The following ARL15 variants were observed in gnomAD, a reference collection of about 807,000 sequenced individuals.
The protein encoded by ARL15 is ADP-ribosylation factor-like protein 15.
Under a neutral mutation model 25.2 loss-of-function variants are expected in ARL15, and 19 were observed. The observed-to-expected ratio is 0.75, with a 90% CI of 0.53 to 1.10. The LOEUF (loss-of-function observed/expected upper bound fraction) is 1.10. Among genes scored for constraint, ARL15 ranks in the 50% least tolerant of loss-of-function variants. The probability of loss-of-function intolerance (pLI) is 0.00; values close to 1 mark genes in which losing one functional copy is unlikely to be tolerated. For synonymous variants in ARL15, 94 were observed against 86.8 expected, an observed-to-expected ratio of 1.08 and a Z score of -0.46; for missense variants, 220 against 246.0, an observed-to-expected ratio of 0.89 and a Z score of 0.71.
chr5:54,103,591 T>C (rs1390734394), intron 4 of ARL15, among the ~76,000 whole-genome samples: 2 of 152,128 alleles, frequency 1.3e-5, no homozygotes, highest in Non-Finnish European at 2.9e-5. Context: ...AGGTTTGGAT[T>C]AGTTCATTTC....
chr5:54,098,558 A>T (rs888770596), intron 4 of ARL15, among the ~76,000 whole-genome samples: 1 of 152,114 alleles, frequency 6.6e-6, no homozygotes, highest in East Asian at 1.9e-4. Context: ...GAAGAAAAAA[A>T]CCCTGAGCGT....
chr5:54,093,690 T>G lies in ARL15; in HGVS notation c.462+19512A>C, dbSNP rs1302335540. Among the ~76,000 whole-genome samples the G allele has an allele frequency of 3.5e-5, 4 of 113,012 alleles. No individual in the cohort carries two copies. The East Asian group carries it at 6.5e-4, about 18-fold the overall frequency. 74.1% of individuals were successfully genotyped at this position (113,012 alleles called of 152,430 possible). On this transcript the variant is annotated intron_variant, in intron 4 of 4. Coordinates refer to ENST00000504924, the MANE Select transcript of ARL15 (RefSeq NM_019087.3). ...TTAAGTATAATATAAACATTTAAAG[T>G]TAAAAAAAAAAAAAAGAAAAAAGAC... is the stretch of plus-strand genomic sequence containing the variant.
intron 1 of ARL15, among the ~76,000 whole-genome samples, chr5:54,205,428 T>C (rs1049972560): frequency 6.6e-6 from 1 of 152,112 alleles, no homozygotes; most frequent in African/African-American, 2.4e-5. Context: ...TAAAAAGGTA[T>C]TCCAGCTAGT....
intron 4 of ARL15, among the ~76,000 whole-genome samples, chr5:54,021,597 G>T (rs185289583): frequency 3.9e-5 from 6 of 152,188 alleles, no homozygotes; most frequent in Admixed American, 3.9e-4. Context: ...AAGAGAAAAA[G>T]TCTAAAAACA....
chr5:53,928,774 C>A lies in ARL15; in HGVS notation c.463-42061G>T, dbSNP rs865786673. ...ATATTATACAATGCTCAGCAGAGCT[C>A]CCACAGAGCTTCTGTGCTGTCTTTT... On this transcript the variant is annotated intron_variant, in intron 4 of 4. Transcript: ENST00000504924. Among the ~76,000 whole-genome samples, 12 of 152,256 alleles carry A rather than the reference C, an allele frequency of 7.9e-5. No individual in the cohort carries two copies. The South Asian group carries it at 2.5e-3, about 32-fold the overall frequency.
At chr5:54,036,048 G>C (rs1750155894) in intron 4 of ARL15, among the ~76,000 whole-genome samples, 1 of 152,054 alleles carries the variant, frequency 6.6e-6, no homozygotes, top group Non-Finnish European at 1.5e-5. Flanking sequence ...TACTCAGGAA[G>C]CTGATGTGGG....
intron 1 of ARL15, among the ~76,000 whole-genome samples, chr5:54,304,193 G>A (rs1401645106): frequency 6.6e-6 from 1 of 152,166 alleles, no homozygotes; most frequent in Non-Finnish European, 1.5e-5. Flanking sequence ...TAGCACAAGG[G>A]AACTACTTGT....
intron 3 of ARL15, among the ~76,000 whole-genome samples, chr5:54,128,164 T>C (rs993098734): frequency 6.6e-6 from 1 of 152,206 alleles, no homozygotes; most frequent in African/African-American, 2.4e-5. Flanking sequence ...TTATGCAGAT[T>C]TCAAGCCTGA....
chr5:54,236,827 A>C (rs1023679480), intron 1 of ARL15, among the ~76,000 whole-genome samples: 2 of 152,182 alleles, frequency 1.3e-5, no homozygotes, highest in Non-Finnish European at 2.9e-5. Context: ...CTAAAGTGAA[A>C]AGTGTCCCAC....
At chr5:54,163,962 T>TA (rs1754495906) in intron 2 of ARL15, among the ~76,000 whole-genome samples, 1 of 152,034 alleles carries the variant, frequency 6.6e-6, no homozygotes. Context: ...TCCAGTTCCC[T>TA]AAGGTGGAAG....
At chr5:54,092,579 A>T (rs770607211) in intron 4 of ARL15, among the ~76,000 whole-genome samples, 5 of 152,242 alleles carry the variant, frequency 3.3e-5, no homozygotes, top group African/African-American at 1.2e-4. Flanking sequence ...GAACCACTCA[A>T]GGTGATCCTG....
intron 4 of ARL15, among the ~76,000 whole-genome samples, chr5:54,012,972 G>A (rs1183498061): frequency 6.6e-6 from 1 of 151,280 alleles, no homozygotes; most frequent in East Asian, 1.9e-4. Flanking sequence ...GCTAATTTTC[G>A]AATTTTTAGT....
At chr5:54,224,193 C>T (rs1276694820) in intron 1 of ARL15, among the ~76,000 whole-genome samples, 6 of 152,152 alleles carry the variant, frequency 3.9e-5, no homozygotes, top group African/African-American at 7.2e-5. Flanking sequence ...GATATGTGGG[C>T]TGAACTCCAA....
intron 1 of ARL15, among the ~76,000 whole-genome samples, chr5:54,207,251 C>A (rs1284227265): frequency 6.6e-6 from 1 of 152,204 alleles, no homozygotes; most frequent in Non-Finnish European, 1.5e-5. Context: ...TCTGTCTGCA[C>A]AGGGAGACTA....
At chr5:54,109,764 A>C (rs1356548326) in intron 4 of ARL15, among the ~76,000 whole-genome samples, 1 of 151,976 alleles carries the variant, frequency 6.6e-6, no homozygotes, top group Non-Finnish European at 1.5e-5. Flanking sequence ...GGGCCACTTG[A>C]CATAATAATA....
chr5:54,129,209 C>T lies in ARL15; in HGVS notation c.254-15799G>A, dbSNP rs16882275. ...AAATCTGAACATTGATAGGATGCCTCAACTATCCAGAAGACAGCTAAAAAT... is the reference window on the plus strand; with the variant it reads ...AAATCTGAACATTGATAGGATGCCTTAACTATCCAGAAGACAGCTAAAAAT... On this transcript the variant is annotated intron_variant, in intron 3 of 4. Coordinates refer to ENST00000504924, the MANE Select transcript of ARL15 (RefSeq NM_019087.3). 9.2e-3 allele frequency among the ~76,000 whole-genome samples: 1,398 copies of T among 152,212 alleles called. 56 individuals are homozygous for T. Among genetic ancestry groups the T allele is most frequent in the Admixed American group, 0.067 (1,019 of 15,276 alleles).
intron 1 of ARL15, among the ~76,000 whole-genome samples, chr5:54,267,794 C>T (rs944068064): frequency 6.6e-6 from 1 of 152,070 alleles, no homozygotes; most frequent in African/African-American, 2.4e-5. Flanking sequence ...TGAATATTGG[C>T]CCCCACTCTC....
rs377695178 is a variant in ARL15, at chr5:53,984,372, T to C, written c.463-97659A>G. ...TCTCAGTTTCCCTTCATCTCTCTTA[T>C]CCTGCTTGCTTTTCCCTTTCTTTTG... On this transcript the variant is annotated intron_variant, in intron 4 of 4. Transcript: ENST00000504924. Among the ~76,000 whole-genome samples, 11 of 152,190 alleles carry C rather than the reference T, an allele frequency of 7.2e-5. No individual in the cohort carries two copies. The East Asian group carries it at 1.7e-3, about 24-fold the overall frequency.
intron 3 of ARL15, among the ~76,000 whole-genome samples, chr5:54,140,637 A>G (rs995460065): frequency 2.0e-5 from 3 of 152,234 alleles, no homozygotes; most frequent in Non-Finnish European, 2.9e-5. Flanking sequence ...TAAATAGAAC[A>G]ATCTCAACCA....
Sources: allele counts gnomAD v4.1 joint callset (sites outside exome capture counted in the v4.1 genomes callset), GRCh38; gene constraint gnomAD v4.1.1; transcripts MANE v1.5; gene names NCBI Gene and HGNC (gene_info 2026-07-23, HGNC 2026-07-21).